Variants in CACNG2 observed in about 807,000 individuals in gnomAD.
CACNG2 encodes the protein calcium voltage-gated channel auxiliary subunit gamma 2, also known as voltage-dependent calcium channel gamma-2 subunit.
A neutral mutation model predicts 25.9 loss-of-function variants in CACNG2; 3 were observed. That is an observed-to-expected ratio of 0.12 (90% CI 0.05 to 0.30). CACNG2 has a LOEUF of 0.30. Among genes scored for constraint, CACNG2 ranks in the 10% least tolerant of loss-of-function variants. The pLI, the probability that CACNG2 is intolerant of heterozygous loss-of-function variation, is 1.00. For missense variants in CACNG2, 341 were observed against 432.5 expected, an observed-to-expected ratio of 0.79 and a Z score of 1.88; for synonymous variants, 167 against 173.3, an observed-to-expected ratio of 0.96 and a Z score of 0.29.
At chr22:36,682,103 A>G (rs1443009258) in intron 1 of CACNG2, among the ~76,000 whole-genome samples, 1 of 152,214 alleles carries the variant, frequency 6.6e-6, no homozygotes, top group Admixed American at 6.5e-5. Flanking sequence ...GCTCCTTTAC[A>G]CACTGCAGGA....
At chr22:36,615,147 A>G (rs1035770636) in intron 1 of CACNG2, among the ~76,000 whole-genome samples, 8 of 152,232 alleles carry the variant, frequency 5.3e-5, no homozygotes, top group Admixed American at 5.2e-4. Context: ...GAATAAATGA[A>G]TTGAATGAAG....
chr22:36,685,231 C>G (rs1272237154), intron 1 of CACNG2, among the ~76,000 whole-genome samples: 1 of 152,158 alleles, frequency 6.6e-6, no homozygotes, highest in East Asian at 1.9e-4. Flanking sequence ...GCTGCTGTTC[C>G]TCTTCGCTCT....
chr22:36,654,973 G>T (rs1936681981), intron 1 of CACNG2, among the ~76,000 whole-genome samples: 1 of 152,108 alleles, frequency 6.6e-6, no homozygotes, highest in Middle Eastern at 3.2e-3. Context: ...AAAGGGAAAA[G>T]ATGATGGAGG....
At chr22:36,572,192 A>G (rs1382454972) in intron 2 of CACNG2, among the ~76,000 whole-genome samples, 1 of 152,192 alleles carries the variant, frequency 6.6e-6, no homozygotes, top group African/African-American at 2.4e-5. Context: ...CCCCTGTACC[A>G]GGCCTTGTTC....
chr22:36,643,250 T>C (rs532226300), intron 1 of CACNG2, among the ~76,000 whole-genome samples: 16 of 150,958 alleles, frequency 1.1e-4, no homozygotes, highest in African/African-American at 3.4e-4. Flanking sequence ...CTTTCTCTTC[T>C]TTCTTTCTCT....
intron 1 of CACNG2, among the ~76,000 whole-genome samples, chr22:36,700,318 A>G (rs946284696): frequency 2.0e-5 from 3 of 152,254 alleles, no homozygotes; most frequent in Non-Finnish European, 4.4e-5. Flanking sequence ...TGCACGAGTG[A>G]TACAAAGCTA....
At chr22:36,594,913 T>G (rs1935654878) in intron 1 of CACNG2, among the ~76,000 whole-genome samples, 1 of 151,402 alleles carries the variant, frequency 6.6e-6, no homozygotes, top group Non-Finnish European at 1.5e-5. Context: ...TGTGTGCATG[T>G]GTGTGTCTGT....
At chr22:36,693,658 C>T (rs1228100432) in intron 1 of CACNG2, among the ~76,000 whole-genome samples, 5 of 152,176 alleles carry the variant, frequency 3.3e-5, no homozygotes, top group African/African-American at 1.2e-4. Flanking sequence ...CCAGCCTCAC[C>T]CCTTTCTGCT....
At chr22:36,648,753 A>C (rs779389404) in intron 1 of CACNG2, among the ~76,000 whole-genome samples, 1 of 152,156 alleles carries the variant, frequency 6.6e-6, no homozygotes, top group Non-Finnish European at 1.5e-5. Flanking sequence ...CAAAATGGGA[A>C]CCTGGGAATC....
chr22:36,623,270 C>T (rs1483876271), intron 1 of CACNG2, among the ~76,000 whole-genome samples: 3 of 152,016 alleles, frequency 2.0e-5, no homozygotes, highest in African/African-American at 4.8e-5. Flanking sequence ...ATCTGCCTGC[C>T]TCGGCCTCCC....
At chr22:36,607,009 A>G (rs1304988842) in intron 1 of CACNG2, among the ~76,000 whole-genome samples, 1 of 150,998 alleles carries the variant, frequency 6.6e-6, no homozygotes, top group African/African-American at 2.4e-5. Context: ...GTGTGTGTGT[A>G]TGTCTGTGAG....
chr22:36,592,476 A>G (rs183355492), intron 1 of CACNG2, among the ~76,000 whole-genome samples: 1 of 152,276 alleles, frequency 6.6e-6, no homozygotes, highest in Admixed American at 6.5e-5. Flanking sequence ...ATGATCTTCA[A>G]GTATGCACTG....
chr22:36,637,560 G>A (rs1028573082), intron 1 of CACNG2, among the ~76,000 whole-genome samples: 3 of 152,144 alleles, frequency 2.0e-5, no homozygotes, highest in Non-Finnish European at 4.4e-5. Context: ...GTTGTTTGGA[G>A]AGGCTCACCG....
chr22:36,606,778 G>A lies in CACNG2; in HGVS notation c.212-19230C>T, dbSNP rs111328350. ...TGTGCGTGTGTGTGTGTGTGTGTGT[G>A]TATGTGTTTGTATGTATGTGTGTGT... is the stretch of plus-strand genomic sequence containing the variant. On this transcript the variant is annotated intron_variant, in intron 1 of 3. Transcript: ENST00000300105. This position sits in a 1 kb window ranked among gnomAD's most constrained non-coding sequence, Gnocchi z 5.7. 6.9e-6 allele frequency among the ~76,000 whole-genome samples: 1 copy of A among 145,980 alleles called. No homozygotes were observed. Among genetic ancestry groups the A allele is most frequent in the African/African-American group, 2.5e-5 (1 of 39,504 alleles).
chr22:36,624,547 C>A (rs1042607312), intron 1 of CACNG2, among the ~76,000 whole-genome samples: 5 of 152,176 alleles, frequency 3.3e-5, no homozygotes, highest in Non-Finnish European at 7.4e-5. Context: ...TCCCTCCCTG[C>A]ATATCTTTCT....
At chr22:36,572,270 C>T (rs747144439) in intron 2 of CACNG2, among the ~76,000 whole-genome samples, 13 of 152,140 alleles carry the variant, frequency 8.5e-5, no homozygotes, top group Non-Finnish European at 1.8e-4. Flanking sequence ...AGATTACACA[C>T]GCCTAAAGCT....
chr22:36,672,073 A>C (rs1257216930), intron 1 of CACNG2, among the ~76,000 whole-genome samples: 1 of 152,192 alleles, frequency 6.6e-6, no homozygotes, highest in Non-Finnish European at 1.5e-5. Context: ...GCAAGAGGTG[A>C]ACATGGACCT....
chr22:36,649,796 C>G (rs767331493), intron 1 of CACNG2, among the ~76,000 whole-genome samples: 2 of 152,202 alleles, frequency 1.3e-5, no homozygotes, highest in Non-Finnish European at 2.9e-5. Flanking sequence ...TTCCCCTGCA[C>G]ACGCTGTCTT....
At chr22:36,572,735 G>T (rs1391783696) in intron 2 of CACNG2, among the ~76,000 whole-genome samples, 2 of 152,024 alleles carry the variant, frequency 1.3e-5, no homozygotes, top group Non-Finnish European at 2.9e-5. Context: ...AAAATCAGGT[G>T]GTGGGCTGGA....
Sources: allele counts gnomAD v4.1 joint callset (sites outside exome capture counted in the v4.1 genomes callset), GRCh38; gene constraint gnomAD v4.1.1; non-coding constraint Gnocchi (gnomAD v3.1); transcripts MANE v1.5; gene names NCBI Gene and HGNC (gene_info 2026-07-23, HGNC 2026-07-21).